SV2C: variants seen among roughly 807,000 people sequenced by gnomAD.
SV2C encodes solute carrier family 22 member B3.
A neutral mutation model predicts 79.7 loss-of-function variants in SV2C; 49 were observed. The ratio of observed to expected loss-of-function variants is 0.61; its 90% CI spans 0.49 to 0.78. The LOEUF is 0.78. Among genes scored for constraint, SV2C ranks in the 30% least tolerant of loss-of-function variants. SV2C has a pLI of 0.00. For synonymous variants in SV2C, 334 were observed against 333.2 expected, an observed-to-expected ratio of 1.00 and a Z score of -0.03; for missense variants, 833 against 912.9, an observed-to-expected ratio of 0.91 and a Z score of 1.13.
the SV2C span, among the ~76,000 whole-genome samples, chr5:75,916,582 G>C: frequency 0.58 from 88,527 of 151,880 alleles, 27,085 homozygotes; most frequent in African/African-American, 0.78. Flanking sequence ...TCAAGTGATT[G>C]TCCCTGCCTC....
intron 1 of SV2C, among the ~76,000 whole-genome samples, chr5:76,096,546 G>C (rs73130223): frequency 0.12 from 17,819 of 152,162 alleles, 3,445 homozygotes; most frequent in African/African-American, 0.4. Context: ...ATCCTCCTGG[G>C]TTAATAAATT....
At chr5:76,309,242 T>G (rs1748319124) in intron 12 of SV2C, among the ~76,000 whole-genome samples, 1 of 152,128 alleles carries the variant, frequency 6.6e-6, no homozygotes, top group Non-Finnish European at 1.5e-5. Flanking sequence ...AGATCATTCT[T>G]GGCCTTTAGA....
intron 12 of SV2C, among the ~76,000 whole-genome samples, chr5:76,322,122 CTTAT>C (rs1230994323): frequency 6.6e-6 from 1 of 152,154 alleles, no homozygotes. Context: ...GTGGGCTCTT[CTTAT>C]TTAAGACCTA....
chr5:76,223,479 A>ACG (rs1745142306), intron 4 of SV2C, among the ~76,000 whole-genome samples: 1 of 68,746 alleles, frequency 1.5e-5, no homozygotes, highest in Non-Finnish European at 2.5e-5. Flanking sequence ...ATATATATAT[A>ACG]TATATATATA....
At chr5:76,034,446 T>C in the SV2C span, among the ~76,000 whole-genome samples, 1 of 152,228 alleles carries the variant, frequency 6.6e-6, no homozygotes, top group African/African-American at 2.4e-5. Context: ...TTATTGAGAA[T>C]TTTTAGCATG....
At chr5:76,190,619 T>C (rs1744070486) in intron 2 of SV2C, among the ~76,000 whole-genome samples, 1 of 152,188 alleles carries the variant, frequency 6.6e-6, no homozygotes, top group Admixed American at 6.5e-5. Flanking sequence ...CCATACTTCA[T>C]AGTCTAGTTG....
intron 8 of SV2C, 33 bp from the exon 9 acceptor site, chr5:76,295,745 C>T: frequency 2.5e-6 from 4 of 1,591,874 alleles, no homozygotes; most frequent in Middle Eastern, 1.7e-4. Flanking sequence ...CATGCTAGTG[C>T]CTTTACAAAC....
the SV2C span, among the ~76,000 whole-genome samples, chr5:75,919,247 GA>G: frequency 2.8e-4 from 42 of 152,250 alleles, no homozygotes; most frequent in African/African-American, 9.4e-4. Flanking sequence ...AGATCAGAGA[GA>G]AAAAAACATC....
chr5:75,944,448 A>G, the SV2C span, among the ~76,000 whole-genome samples: 1 of 152,172 alleles, frequency 6.6e-6, no homozygotes, highest in African/African-American at 2.4e-5. Flanking sequence ...TCCTGTGCTC[A>G]CCAAGATGGA....
chr5:76,326,322 TC>T lies in SV2C; in HGVS notation c.*777del, dbSNP rs1748996571. The T allele has an allele frequency of 6.6e-6, 1 of 152,202 alleles. No individual in the cohort carries two copies. The highest frequency in any genetic ancestry group is 2.4e-5 in the African/African-American group (1 of 41,448). 9.4% of individuals were successfully genotyped at this position (152,202 alleles called of 1,614,324 possible). ...AGAGATCCGAGAGAGAGCTTCTGCC[TC>T]CATTTACCACTCCCACTCCTTCAGC... On this transcript the variant is annotated 3_prime_UTR_variant, in exon 13 of 13. Coordinates refer to ENST00000502798, the MANE Select transcript of SV2C (RefSeq NM_014979.4).
At chr5:76,130,145 T>TAAAAAAAAAAAAAAAA (rs375351450) in intron 1 of SV2C, among the ~76,000 whole-genome samples, 5 of 67,832 alleles carry the variant, frequency 7.4e-5, no homozygotes, top group Non-Finnish European at 9.2e-5. Flanking sequence ...TCTCAGTTCT[T>TAAAAAAAAAAAAAAAA]AAAAAAAAAA....
chr5:75,902,595 A>G, the SV2C span, among the ~76,000 whole-genome samples: 2 of 152,230 alleles, frequency 1.3e-5, no homozygotes, highest in African/African-American at 2.4e-5. Context: ...CAAATGGTCT[A>G]TTTTGCCTCT....
chr5:75,889,007 G>A, the SV2C span, among the ~76,000 whole-genome samples: 14 of 151,974 alleles, frequency 9.2e-5, no homozygotes, highest in African/African-American at 1.9e-4. Flanking sequence ...ATGTCTTCAC[G>A]TGGCCTTCCT....
At chr5:75,848,973 G>A in the SV2C span, among the ~76,000 whole-genome samples, 166 of 152,130 alleles carry the variant, frequency 1.1e-3, no homozygotes, top group African/African-American at 3.7e-3. Context: ...TTAAATATTC[G>A]GCACGTAGTG....
the SV2C span, among the ~76,000 whole-genome samples, chr5:76,030,859 C>G: frequency 6.6e-6 from 1 of 152,106 alleles, no homozygotes. Context: ...TGGCTACAAT[C>G]TGGGGCCTCT....
chr5:75,977,347 C>T, the SV2C span, among the ~76,000 whole-genome samples: 2 of 152,188 alleles, frequency 1.3e-5, no homozygotes, highest in Non-Finnish European at 2.9e-5. Flanking sequence ...TGTTTTAACC[C>T]TATAAGGGAA....
chr5:75,979,800 A>C, the SV2C span, among the ~76,000 whole-genome samples: 48 of 152,292 alleles, frequency 3.2e-4, 1 homozygote, highest in Admixed American at 1.5e-3. Flanking sequence ...TAACAACCTA[A>C]CATCACAACT....
chr5:76,266,014 G>A (rs1196410923), intron 4 of SV2C, among the ~76,000 whole-genome samples: 2 of 152,070 alleles, frequency 1.3e-5, no homozygotes, highest in Non-Finnish European at 2.9e-5. Context: ...AACTGAGTGT[G>A]TTATCTGAGC....
At chr5:75,986,085 G>C in the SV2C span, among the ~76,000 whole-genome samples, 1 of 146,930 alleles carries the variant, frequency 6.8e-6, no homozygotes, top group African/African-American at 2.5e-5. Context: ...ACTAAAGTCG[G>C]TTGTGGTAGG....
Sources: allele counts gnomAD v4.1 joint callset (sites outside exome capture counted in the v4.1 genomes callset), GRCh38; gene constraint gnomAD v4.1.1; transcripts MANE v1.5; gene names NCBI Gene and HGNC (gene_info 2026-07-23, HGNC 2026-07-21).